The following DENND1A variants were observed in gnomAD, a reference collection of about 807,000 sequenced individuals.
DENND1A encodes DENN domain-containing protein 1A.
DENND1A carries 51 observed loss-of-function variants against 113.7 expected under a neutral mutation model. That is an observed-to-expected ratio of 0.45 (90% CI 0.36 to 0.57). DENND1A has a LOEUF of 0.57. Ranked by LOEUF, DENND1A falls within the 20% of genes least tolerant of loss-of-function variation. The probability of loss-of-function intolerance (pLI) is 0.00; values close to 1 mark genes in which losing one functional copy is unlikely to be tolerated. For synonymous variants in DENND1A, 565 were observed against 570.8 expected, an observed-to-expected ratio of 0.99 and a Z score of 0.14; for missense variants, 1,258 against 1,395.9, an observed-to-expected ratio of 0.90 and a Z score of 1.57.
intron 19 of DENND1A, among the ~76,000 whole-genome samples, chr9:123,431,639 AGG>A (rs1358981815): frequency 6.6e-6 from 1 of 152,222 alleles, no homozygotes; most frequent in Non-Finnish European, 1.5e-5. Flanking sequence ...TCTCCAAGAG[AGG>A]ATACCACCTG....
At chr9:123,808,656 G>C (rs1049805528) in intron 2 of DENND1A, among the ~76,000 whole-genome samples, 1 of 152,058 alleles carries the variant, frequency 6.6e-6, no homozygotes, top group African/African-American at 2.4e-5. Context: ...AAGTTCCCAG[G>C]TGATGTTGAC....
chr9:123,828,075 A>G (rs1839633994), intron 2 of DENND1A, among the ~76,000 whole-genome samples: 1 of 152,160 alleles, frequency 6.6e-6, no homozygotes, highest in African/African-American at 2.4e-5. Context: ...TTCAAATAAT[A>G]CTGGCCTCAG....
intron 1 of DENND1A, among the ~76,000 whole-genome samples, chr9:123,891,048 C>A (rs1849829152): frequency 6.6e-6 from 1 of 152,042 alleles, no homozygotes. Flanking sequence ...TGTGTTAGCA[C>A]CTAAGGGCAA....
At chr9:123,516,884 CAAAAAAAAAAAAAA>C (rs546001517) in intron 13 of DENND1A, among the ~76,000 whole-genome samples, 7 of 93,390 alleles carry the variant, frequency 7.5e-5, no homozygotes, top group South Asian at 3.6e-4. Context: ...GACTCTGTCT[CAAAAAAAAAAAAAA>C]AAAAAAAAAA....
intron 11 of DENND1A, among the ~76,000 whole-genome samples, chr9:123,596,220 T>C (rs944481236): frequency 2.0e-5 from 3 of 152,194 alleles, no homozygotes; most frequent in Non-Finnish European, 4.4e-5. Context: ...CTAAACCCCA[T>C]GCCAAGCACA....
intron 13 of DENND1A, among the ~76,000 whole-genome samples, chr9:123,463,044 T>C (rs1198396952): frequency 6.6e-6 from 1 of 152,196 alleles, no homozygotes; most frequent in Non-Finnish European, 1.5e-5. Flanking sequence ...TGTCTCATTA[T>C]TCTCCCCTGA....
intron 6 of DENND1A, among the ~76,000 whole-genome samples, chr9:123,672,468 C>T (rs1164720339): frequency 1.3e-5 from 2 of 152,160 alleles, no homozygotes; most frequent in Non-Finnish European, 2.9e-5. Context: ...AGATTACGCC[C>T]CATCATCCAC....
At chr9:123,393,053 C>T (rs865895785) in intron 21 of DENND1A, among the ~76,000 whole-genome samples, 3 of 152,238 alleles carry the variant, frequency 2.0e-5, no homozygotes, top group African/African-American at 7.2e-5. Flanking sequence ...TCTTTATCCA[C>T]TTGCTGATTG....
intron 6 of DENND1A, among the ~76,000 whole-genome samples, chr9:123,674,637 C>G (rs925074861): frequency 5.9e-5 from 9 of 152,184 alleles, no homozygotes; most frequent in Non-Finnish European, 1.3e-4. Context: ...CAGACTCCAA[C>G]TAAAACATGT....
chr9:123,621,852 T>C (rs900766788), intron 10 of DENND1A, among the ~76,000 whole-genome samples: 1 of 152,242 alleles, frequency 6.6e-6, no homozygotes, highest in Non-Finnish European at 1.5e-5. Context: ...TAACTGGATG[T>C]TACTTCAGAA....
chr9:123,780,237 C>T (rs1445779186), intron 3 of DENND1A, among the ~76,000 whole-genome samples: 1 of 152,164 alleles, frequency 6.6e-6, no homozygotes, highest in East Asian at 1.9e-4. Context: ...GTGAGCTTCT[C>T]GCCTCTCCCA....
intron 16 of DENND1A, among the ~76,000 whole-genome samples, chr9:123,452,982 C>T (rs757554957): frequency 5.9e-5 from 9 of 152,320 alleles, no homozygotes; most frequent in Admixed American, 2.0e-4. Flanking sequence ...AGCAATTTCT[C>T]GCTCACTTTC....
rs373730181 is a variant in DENND1A, at chr9:123,557,603, G to A, written c.960C>T (p.Phe320=). The A allele has an allele frequency of 1.9e-5, 31 of 1,614,044 alleles. No homozygotes were observed. Among genetic ancestry groups the A allele is most frequent in the African/African-American group, 1.7e-4 (13 of 75,044 alleles). Residue 320 remains phenylalanine, a synonymous_variant, in exon 13 of 24, where the codon TTC becomes TTT. Coordinates refer to ENST00000394215, the MANE Select transcript of DENND1A (RefSeq NM_001352964.2). ...TTTTCAGAGCGTTTCGGTAGCTACCGAAGAAAGCAGCCTGGGCCTTGAGGA... is the reference window on the plus strand; with the variant it reads ...TTTTCAGAGCGTTTCGGTAGCTACCAAAGAAAGCAGCCTGGGCCTTGAGGA... ...RAFLKAQAAF[F]GSYRNALKIE... is the part of the protein sequence containing the mutation.
chr9:123,552,301 G>A (rs1289991592), intron 13 of DENND1A, among the ~76,000 whole-genome samples: 5 of 152,324 alleles, frequency 3.3e-5, no homozygotes, highest in East Asian at 1.9e-4. Flanking sequence ...TCCCAGGGCC[G>A]TCAGGACAGG....
chr9:123,879,353 C>A lies in DENND1A; in HGVS notation c.18-332G>T, dbSNP rs191382142. The stretch of plus-strand genomic sequence containing the variant: ...TTCAAAACCAGCCTGGGCAATATAG[C>A]AAAACCCTGTCTCTACTAAAAATGC... On this transcript the variant is annotated intron_variant, in intron 1 of 23. Transcript: ENST00000394215. Among the ~76,000 whole-genome samples the A allele has an allele frequency of 3.7e-3, 567 of 151,948 alleles. 3 individuals carry two copies. The highest frequency in any genetic ancestry group is 0.012 in the African/African-American group (505 of 41,430).
chr9:123,633,766 ACT>A (rs2061583493), intron 9 of DENND1A, among the ~76,000 whole-genome samples: 1 of 152,110 alleles, frequency 6.6e-6, no homozygotes, highest in African/African-American at 2.4e-5. Flanking sequence ...ACAGAGCAAG[ACT>A]CTGTCCCCCC....
chr9:123,834,612 G>A (rs1249626475), intron 2 of DENND1A, among the ~76,000 whole-genome samples: 1 of 152,090 alleles, frequency 6.6e-6, no homozygotes, highest in Non-Finnish European at 1.5e-5. Context: ...GGTTTTAAAG[G>A]CCCCAAACTA....
chr9:123,429,997 C>T (rs1460138895), intron 19 of DENND1A, among the ~76,000 whole-genome samples: 1 of 151,342 alleles, frequency 6.6e-6, no homozygotes, highest in African/African-American at 2.4e-5. Flanking sequence ...AACAAATTTA[C>T]AAGAAAAAAA....
chr9:123,461,808 T>C (rs548864279), intron 13 of DENND1A: 1 of 150,296 alleles, frequency 6.7e-6, no homozygotes, highest in African/African-American at 2.5e-5. Flanking sequence ...AGGGAAAGAG[T>C]CAGGGGAAAT....
Sources: gnomAD v4.1 joint callset for allele counts (sites outside exome capture counted in the v4.1 genomes callset) on GRCh38, gnomAD v4.1.1 for gene constraint, MANE v1.5 for transcripts, NCBI Gene and HGNC (gene_info 2026-07-23, HGNC 2026-07-21) for gene names.